The following PDCL3 variants were observed in gnomAD, a reference collection of about 807,000 sequenced individuals.
The protein encoded by PDCL3 is phosducin-like protein 3.
Under a neutral mutation model 26.5 loss-of-function variants are expected in PDCL3, and 22 were observed. The observed-to-expected ratio is 0.83, with a 90% CI of 0.59 to 1.19. PDCL3 has a LOEUF of 1.19. PDCL3 is among the 50% of genes most tolerant of loss of function. PDCL3 has a pLI of 0.00. For missense variants in PDCL3, 246 were observed against 294.1 expected (o/e 0.84, Z 1.20); for synonymous variants, 81 against 104.9 (o/e 0.77, Z 1.39).
intron 1 of PDCL3, among the ~76,000 whole-genome samples, chr2:100,564,391 A>G (rs1310612385): frequency 2.0e-5 from 3 of 150,980 alleles, no homozygotes; most frequent in Non-Finnish European, 4.4e-5. Flanking sequence ...CCGCCTCTCC[A>G]GTTCACGCCA....
intron 5 of PDCL3, among the ~76,000 whole-genome samples, chr2:100,574,140 A>G (rs2104397678): frequency 6.6e-6 from 1 of 152,108 alleles, no homozygotes; most frequent in African/African-American, 2.4e-5. Context: ...AGTAGCTGGG[A>G]CTACAGGCAT....
Position 100,566,560 on chromosome 2 carries a change from C to T in PDCL3, c.64C>T (p.Pro22Ser). ...DILRKKGILP[P>S]KESLKELEEE... ...CTTACGCAAAAAGGGTATCTTACCC[C>T]CCAAGGAAAGTCTGAAAGAATTGGA... The change falls in exon 2 of 6, where the codon CCC (proline) becomes TCC (serine). Residue 22 changes from proline to serine, a missense_variant. Coordinates refer to ENST00000264254, the MANE Select transcript of PDCL3 (RefSeq NM_024065.5). The T allele has an allele frequency of 1.2e-6, 2 of 1,613,836 alleles. No homozygotes were observed. The highest frequency in any genetic ancestry group is 1.7e-4 in the Middle Eastern group (1 of 5,948).
rs751961984 is a variant in PDCL3 at position 100,571,802 on chromosome 2, A to G, written c.577+4A>G. The G allele has an allele frequency of 3.1e-6, 5 of 1,613,704 alleles. No homozygotes were observed. The highest frequency in any genetic ancestry group is 4.2e-6 in the Non-Finnish European group (5 of 1,179,678). ...GGCATGAACCTGACAAGAGATGGTA[A>G]GGGCTCTGGGAGACAGGCGGGGCAG... On this transcript the variant is annotated splice_donor_region_variant and intron_variant, in intron 5 of 5. Transcript: ENST00000264254.
rs1558700161 is a variant in PDCL3 at position 100,576,457 on chromosome 2, T to G, written c.681T>G (p.Ser227=). ...TGTTGCTGTCCTCAGTGCGGCGCTCTGTCCTCATGAAGAGGGACAGCGATT... is the reference window on the plus strand; with the variant it reads ...TGTTGCTGTCCTCAGTGCGGCGCTCGGTCCTCATGAAGAGGGACAGCGATT... The part of the protein sequence containing the change: ...EDVLLSSVRR[S]VLMKRDSDSE... Residue 227 remains serine, a synonymous_variant, in exon 6 of 6, where the codon TCT becomes TCG. Coordinates refer to ENST00000264254, the MANE Select transcript of PDCL3 (RefSeq NM_024065.5). 6.2e-7 allele frequency: 1 copy of G among 1,612,796 alleles called. No individual in the cohort carries two copies. Among genetic ancestry groups the G allele is most frequent in the East Asian group, 2.2e-5 (1 of 44,764 alleles).
At position 100,566,993 on chromosome 2, in the gene PDCL3, A is replaced by G. The variant is rs1186920102; in HGVS notation, c.133+364A>G. Among the ~76,000 whole-genome samples, 4 of 152,210 alleles carry G rather than the reference A, an allele frequency of 2.6e-5. 1 individual carries two copies. The highest frequency in any genetic ancestry group is 2.6e-4 in the Admixed American group (4 of 15,280). On this transcript the variant is annotated intron_variant, in intron 2 of 5. Coordinates refer to ENST00000264254, the MANE Select transcript of PDCL3 (RefSeq NM_024065.5). ...GTTTCATTGAGGATATTAACTAAAA[A>G]TTGCTTCATTTGGGGAGGCATAAGA...
intron 1 of PDCL3, among the ~76,000 whole-genome samples, chr2:100,564,629 C>G (rs1310327185): frequency 6.6e-6 from 1 of 152,184 alleles, no homozygotes. Flanking sequence ...AGAACTGTTA[C>G]ACAGGGTTGG....
chr2:100,564,846 G>A (rs1558695264), intron 1 of PDCL3, among the ~76,000 whole-genome samples: 2 of 152,202 alleles, frequency 1.3e-5, no homozygotes, highest in Admixed American at 6.5e-5. Flanking sequence ...TTGGCCAGCC[G>A]TTCTAGCATG....
chr2:100,563,308 C>T (rs1573275992), intron 1 of PDCL3: 1 of 490,970 alleles, frequency 2.0e-6, no homozygotes, highest in Non-Finnish European at 3.6e-6. Flanking sequence ...CCTCGTCCTC[C>T]GGGACTATGT....
chr2:100,569,740 C>T lies in PDCL3; in HGVS notation c.368+19C>T. ...AACAAGGGTGAGCTGATCTTCCACTCCATCTATCAAATGTTAATTTGAATT... is the reference window on the plus strand; with the variant it reads ...AACAAGGGTGAGCTGATCTTCCACTTCATCTATCAAATGTTAATTTGAATT... On this transcript the variant is annotated intron_variant, in intron 4 of 5. Coordinates refer to ENST00000264254, the MANE Select transcript of PDCL3 (RefSeq NM_024065.5). The T allele has an allele frequency of 1.9e-6, 3 of 1,598,684 alleles. No individual in the cohort carries two copies. Among genetic ancestry groups the T allele is most frequent in the Non-Finnish European group, 2.6e-6 (3 of 1,172,564 alleles).
chr2:100,566,348 G>A (rs1675058852), intron 1 of PDCL3, among the ~76,000 whole-genome samples, 155 bp from the exon 2 acceptor site: 2 of 152,126 alleles, frequency 1.3e-5, no homozygotes, highest in African/African-American at 4.8e-5. Flanking sequence ...AAACAAAACG[G>A]GGGCTATGGA....
chr2:100,563,340 C>A, intron 1 of PDCL3: 1 of 446,298 alleles, frequency 2.2e-6, no homozygotes. Flanking sequence ...CTCTACCCAC[C>A]CGGGCCTGTG....
At chr2:100,571,526 T>C (rs556023168) in intron 4 of PDCL3, 64 bp from the exon 5 acceptor site, 278 of 1,462,004 alleles carry the variant, frequency 1.9e-4, no homozygotes, top group Non-Finnish European at 2.5e-4. Context: ...AGAAGGGTCA[T>C]TGAGCTTTGT....
chr2:100,575,921 G>T (rs1167514496), intron 5 of PDCL3, among the ~76,000 whole-genome samples: 1 of 152,072 alleles, frequency 6.6e-6, no homozygotes, highest in Non-Finnish European at 1.5e-5. Flanking sequence ...TTGAGACAGG[G>T]TCTCGCTCTG....
In PDCL3 at chr2:100,576,431, G is replaced by C. The variant is rs201375611; in HGVS notation, c.655G>C (p.Val219Leu). The part of the protein sequence containing the change: ...EENPKKPIED[V>L]LLSSVRRSVL... ...AAACCCTAAGAAGCCGATTGAAGAC[G>C]TGTTGCTGTCCTCAGTGCGGCGCTC... Residue 219 changes from valine (V) to leucine (L), a missense_variant, in exon 6 of 6, where the codon GTG becomes CTG. Transcript: ENST00000264254. 2 of 1,613,838 alleles carry C rather than the reference G, an allele frequency of 1.2e-6. No homozygotes were observed. The highest frequency in any genetic ancestry group is 2.2e-5 in the South Asian group (2 of 91,080).
At chr2:100,573,154 A>T (rs1350729167) in intron 5 of PDCL3, among the ~76,000 whole-genome samples, 1 of 151,832 alleles carries the variant, frequency 6.6e-6, no homozygotes, top group African/African-American at 2.4e-5. Flanking sequence ...AAGTGCTGAG[A>T]TTACAGATGT....
chr2:100,566,444 A>T, intron 1 of PDCL3, 59 bp from the exon 2 acceptor site: 1 of 1,577,750 alleles, frequency 6.3e-7, no homozygotes, highest in East Asian at 2.3e-5. Context: ...CCCTTGCCCA[A>T]CGTGGCACCC....
intron 4 of PDCL3, 48 bp from the exon 5 acceptor site, chr2:100,571,542 A>G: frequency 1.9e-6 from 3 of 1,560,318 alleles, no homozygotes; most frequent in Non-Finnish European, 2.6e-6. Context: ...TTTGTTCTGT[A>G]TAAATGTAGG....
chr2:100,569,682 G>A lies in PDCL3; in HGVS notation c.329G>A (p.Gly110Asp). The A allele has an allele frequency of 7.4e-6, 12 of 1,613,864 alleles. No homozygotes were observed. The highest frequency in any genetic ancestry group is 8.5e-6 in the Non-Finnish European group (10 of 1,179,936). ...TATGTTCAAGAAGTTACCAAAGCTG[G>A]CGAGGGCTTGTGGGTCATCTTGCAC... ...KDYVQEVTKA[G>D]EGLWVILHLY... The change falls in exon 4 of 6, where the codon GGC becomes GAC. Residue 110 changes from glycine (G) to aspartate (D), a missense_variant. Transcript: ENST00000264254.
chr2:100,567,936 C>T (rs983933844), intron 2 of PDCL3, among the ~76,000 whole-genome samples: 22 of 152,024 alleles, frequency 1.4e-4, no homozygotes, highest in African/African-American at 5.1e-4. Context: ...GATTCTCCTG[C>T]GTCAGCCTCC....
Sources: allele counts gnomAD v4.1 joint callset (sites outside exome capture counted in the v4.1 genomes callset), GRCh38; gene constraint gnomAD v4.1.1; transcripts MANE v1.5; gene names NCBI Gene and HGNC (gene_info 2026-07-23, HGNC 2026-07-21).